The following LPIN2 variants were observed in gnomAD, a reference collection of about 807,000 sequenced individuals.
LPIN2 encodes lipin 2.
Under a neutral mutation model 111.4 loss-of-function variants are expected in LPIN2, and 55 were observed. The observed-to-expected ratio is 0.49, with a 90% confidence interval of 0.40 to 0.62. LPIN2 has a LOEUF of 0.62. Ranked by LOEUF, LPIN2 falls within the 20% of genes least tolerant of loss-of-function variation. The probability of loss-of-function intolerance (pLI) is 0.00; values close to 1 mark genes in which losing one functional copy is unlikely to be tolerated. For missense variants in LPIN2, 992 were observed against 1,112.1 expected (o/e 0.89, Z 1.54); for synonymous variants, 425 against 414.0 (o/e 1.03, Z -0.32).
intron 11 of LPIN2, 124 bp from the exon 12 acceptor site, chr18:2,927,935 C>T (rs1568520060): frequency 4.9e-6 from 4 of 813,608 alleles, no homozygotes; most frequent in Non-Finnish European, 6.5e-6. Context: ...GCTCTCTTCA[C>T]ACCTCCCAGA....
At position 2,920,052 on chromosome 18, in the gene LPIN2, G is replaced by T; in HGVS notation, c.*241C>A. ...AGGAAACATGTGTGCGACCCACAAA[G>T]GAGGGATCCCAGGCCTCCAGCCCCA... is the stretch of plus-strand genomic sequence containing the variant. On this transcript the variant is annotated 3_prime_UTR_variant, in exon 20 of 20. Coordinates refer to ENST00000677752, the MANE Select transcript of LPIN2 (RefSeq NM_001375808.2). The T allele has an allele frequency of 1.7e-6, 1 of 586,594 alleles. No individual in the cohort carries two copies. The highest frequency in any genetic ancestry group is 2.0e-5 in the South Asian group (1 of 50,718). 36.3% of individuals were successfully genotyped at this position (586,594 alleles called of 1,614,324 possible).
intron 4 of LPIN2, chr18:2,945,533 T>C: frequency 8.2e-7 from 1 of 1,212,124 alleles, no homozygotes; most frequent in Non-Finnish European, 1.2e-6. Context: ...ATAGCCTTCC[T>C]CCCATCTCCC....
rs965663307 is a variant in LPIN2, at chr18:2,990,638, T to A, written c.-10+22449A>T. 6.1e-5 allele frequency: 11 copies of A among 180,200 alleles called. No individual in the cohort carries two copies. The East Asian group carries it at 1.6e-3, about 26-fold the overall frequency. The allele number at this position is 180,200 out of a possible 1,614,324, so 11.2% of individuals were successfully genotyped here. On this transcript the variant is annotated intron_variant, in intron 1 of 19. Transcript: ENST00000677752. ...TAGTTTCTGTTAAAAAGGAAGAGAG[T>A]GGCCAATGGCCGTGACTACTGCAAC...
chr18:2,995,881 T>C (rs1451080965), intron 1 of LPIN2, among the ~76,000 whole-genome samples: 1 of 152,166 alleles, frequency 6.6e-6, no homozygotes, highest in Non-Finnish European at 1.5e-5. Flanking sequence ...GTATATGCTG[T>C]CCCTAAAGTG....
At chr18:2,986,544 A>ACG (rs1366644586) in intron 1 of LPIN2, among the ~76,000 whole-genome samples, 3 of 75,154 alleles carry the variant, frequency 4.0e-5, no homozygotes, top group African/African-American at 1.0e-4. Context: ...TATTTTTTTA[A>ACG]TGTAAAAAAA....
chr18:2,981,824 T>C (rs1028553556), intron 1 of LPIN2, among the ~76,000 whole-genome samples: 1 of 151,246 alleles, frequency 6.6e-6, no homozygotes, highest in Non-Finnish European at 1.5e-5. Flanking sequence ...TAAACATTTG[T>C]ATAACCTTAA....
intron 1 of LPIN2, among the ~76,000 whole-genome samples, chr18:2,976,694 C>A (rs1055003933): frequency 2.0e-5 from 3 of 152,100 alleles, no homozygotes; most frequent in African/African-American, 7.2e-5. Flanking sequence ...CCACTTCCCA[C>A]GCAAAACAGG....
At chr18:3,010,821 G>A (rs374870322) in intron 1 of LPIN2, among the ~76,000 whole-genome samples, 5 of 152,100 alleles carry the variant, frequency 3.3e-5, no homozygotes, top group African/African-American at 7.2e-5. Flanking sequence ...TAGAAAAATC[G>A]CTGACACAGA....
intron 1 of LPIN2, among the ~76,000 whole-genome samples, chr18:2,998,026 A>C (rs1026679023): frequency 6.6e-6 from 1 of 152,252 alleles, no homozygotes; most frequent in Non-Finnish European, 1.5e-5. Flanking sequence ...TGTTCTGCAG[A>C]GGAGTCTTTC....
chr18:3,003,821 G>A (rs978389856), intron 1 of LPIN2, among the ~76,000 whole-genome samples: 35 of 152,286 alleles, frequency 2.3e-4, no homozygotes, highest in African/African-American at 7.2e-4. Flanking sequence ...ATAACCATAA[G>A]GTCTGACTGC....
chr18:2,960,919 C>A (rs932430864), intron 1 of LPIN2, 70 bp from the exon 2 acceptor site: 1 of 1,318,798 alleles, frequency 7.6e-7, no homozygotes, highest in South Asian at 1.3e-5. Flanking sequence ...AAATAACAGT[C>A]GTAACAAAAA....
intron 1 of LPIN2, among the ~76,000 whole-genome samples, chr18:2,979,699 A>G (rs1312473706): frequency 2.0e-5 from 3 of 152,238 alleles, no homozygotes; most frequent in African/African-American, 7.2e-5. Flanking sequence ...AATAATTTTC[A>G]AATAGCCGAA....
At chr18:2,953,958 T>C (rs754315235) in intron 3 of LPIN2, among the ~76,000 whole-genome samples, 4 of 152,212 alleles carry the variant, frequency 2.6e-5, no homozygotes, top group Non-Finnish European at 5.9e-5. Context: ...TAACAAATCA[T>C]GCTCGTTTGC....
intron 1 of LPIN2, among the ~76,000 whole-genome samples, chr18:2,964,289 A>AAG (rs2077757166): frequency 6.8e-6 from 1 of 147,436 alleles, no homozygotes; most frequent in African/African-American, 2.6e-5. Flanking sequence ...TCTCAAAAAA[A>AAG]AAAAAAAAAA....
intron 4 of LPIN2, among the ~76,000 whole-genome samples, chr18:2,948,683 C>T (rs1158315942): frequency 3.3e-5 from 5 of 152,126 alleles, no homozygotes; most frequent in African/African-American, 1.2e-4. Context: ...CTTCTGGGAG[C>T]ATTACAAGGC....
chr18:2,922,057 CGGA>C lies in LPIN2; in HGVS notation c.2314_2316del (p.Ser772del). 6.2e-7 allele frequency: 1 copy of C among 1,612,432 alleles called. No individual in the cohort carries two copies. The highest frequency in any genetic ancestry group is 1.1e-5 in the South Asian group (1 of 91,026). Reference sequence around the variant, plus strand: ...CTGCCGGAGAGGTACCTGTGGAAGGCGGAGAACAAGCTGCTGGGGGACAGCATC... The same window carrying C: ...CTGCCGGAGAGGTACCTGTGGAAGGCGAACAAGCTGCTGGGGGACAGCATC... On this transcript the variant is annotated inframe_deletion, in exon 17 of 20. Coordinates refer to ENST00000677752, the MANE Select transcript of LPIN2 (RefSeq NM_001375808.2).
intron 2 of LPIN2, among the ~76,000 whole-genome samples, chr18:2,956,195 T>C (rs1309408219): frequency 2.6e-5 from 4 of 152,136 alleles, no homozygotes; most frequent in Non-Finnish European, 4.4e-5. Context: ...ATCAGAACCA[T>C]GTTTCCTGTT....
chr18:2,974,203 A>G (rs565464451), intron 1 of LPIN2, among the ~76,000 whole-genome samples: 9 of 152,206 alleles, frequency 5.9e-5, no homozygotes, highest in African/African-American at 1.9e-4. Flanking sequence ...CAGCCTCCTC[A>G]GTAGCTGGGA....
chr18:2,930,986 C>T (rs2077204565), intron 9 of LPIN2, among the ~76,000 whole-genome samples: 1 of 152,174 alleles, frequency 6.6e-6, no homozygotes, highest in African/African-American at 2.4e-5. Flanking sequence ...ACCCTGGCAG[C>T]TCAGAAAACA....
Sources: allele counts gnomAD v4.1 joint callset (sites outside exome capture counted in the v4.1 genomes callset), GRCh38; gene constraint gnomAD v4.1.1; transcripts MANE v1.5; gene names NCBI Gene and HGNC (gene_info 2026-07-23, HGNC 2026-07-21).